The following KIAA1217 variants were observed in gnomAD, a reference collection of about 807,000 sequenced individuals.
The protein encoded by KIAA1217 is KIAA1217.
Under a neutral mutation model 163.9 loss-of-function variants are expected in KIAA1217, and 88 were observed. The observed-to-expected ratio is 0.54, with a 90% CI of 0.45 to 0.64. KIAA1217 has a LOEUF of 0.64. Ranked by LOEUF, KIAA1217 falls within the 30% of genes least tolerant of loss-of-function variation. KIAA1217 has a pLI of 0.00. For synonymous variants in KIAA1217, 903 were observed against 923.1 expected, an observed-to-expected ratio of 0.98 and a Z score of 0.39; for missense variants, 2,372 against 2,475.0, an observed-to-expected ratio of 0.96 and a Z score of 0.88.
intron 15 of KIAA1217, among the ~76,000 whole-genome samples, chr10:24,532,867 A>G (rs974998255): frequency 6.6e-6 from 1 of 152,242 alleles, no homozygotes; most frequent in Non-Finnish European, 1.5e-5. Context: ...TATTATAATT[A>G]TTTAATCCAT....
intron 2 of KIAA1217, among the ~76,000 whole-genome samples, chr10:24,016,903 A>G (rs896809333): frequency 2.0e-5 from 3 of 152,130 alleles, no homozygotes; most frequent in Non-Finnish European, 2.9e-5. Context: ...AATGAGTAAT[A>G]CAATATAGAA....
intron 2 of KIAA1217, among the ~76,000 whole-genome samples, chr10:24,287,838 C>T (rs1208014997): frequency 6.6e-6 from 1 of 152,180 alleles, no homozygotes; most frequent in East Asian, 1.9e-4. Context: ...AAAACCATAA[C>T]TCGATTCATC....
At chr10:24,144,359 T>C (rs951795621) in intron 2 of KIAA1217, among the ~76,000 whole-genome samples, 3 of 152,222 alleles carry the variant, frequency 2.0e-5, no homozygotes, top group Admixed American at 6.5e-5. Context: ...AGAGCAGATA[T>C]TGAGCAAAAA....
intron 2 of KIAA1217, among the ~76,000 whole-genome samples, chr10:24,193,994 C>G (rs1397015795): frequency 3.9e-5 from 6 of 152,060 alleles, no homozygotes; most frequent in Non-Finnish European, 4.4e-5. Context: ...TGAGACCAGC[C>G]TGGCCAACAT....
chr10:24,082,623 A>C (rs1216023769), intron 2 of KIAA1217, among the ~76,000 whole-genome samples: 1 of 152,174 alleles, frequency 6.6e-6, no homozygotes, highest in Non-Finnish European at 1.5e-5. Flanking sequence ...TATGTACCAC[A>C]GTTTCTTTAT....
intron 1 of KIAA1217, among the ~76,000 whole-genome samples, chr10:23,710,070 T>A (rs1227974919): frequency 1.3e-5 from 2 of 152,114 alleles, no homozygotes; most frequent in Non-Finnish European, 2.9e-5. Context: ...GGATGCAAAG[T>A]GAGTGAATGA....
At chr10:23,744,334 C>G (rs1389219212) in intron 1 of KIAA1217, among the ~76,000 whole-genome samples, 1 of 152,092 alleles carries the variant, frequency 6.6e-6, no homozygotes, top group East Asian at 1.9e-4. Context: ...TTTTTCAGGT[C>G]TAAAGGTCAA....
intron 2 of KIAA1217, among the ~76,000 whole-genome samples, chr10:24,112,644 G>A (rs1180076362): frequency 1.3e-5 from 2 of 151,958 alleles, no homozygotes; most frequent in African/African-American, 2.4e-5. Context: ...GAGTGTGGTG[G>A]CACAATCTCG....
intron 2 of KIAA1217, among the ~76,000 whole-genome samples, chr10:24,128,182 C>T (rs2063533073): frequency 6.6e-6 from 1 of 152,048 alleles, no homozygotes. Context: ...TAAGAATTAC[C>T]ATCTCAGGCC....
intron 2 of KIAA1217, among the ~76,000 whole-genome samples, chr10:24,251,392 C>A (rs2074493035): frequency 1.4e-5 from 1 of 70,256 alleles, no homozygotes; most frequent in African/African-American, 6.3e-5. Context: ...CAGAAAGAGA[C>A]ACTGTCTCAA....
intron 1 of KIAA1217, among the ~76,000 whole-genome samples, chr10:23,987,469 G>A (rs768376706): frequency 2.7e-5 from 4 of 148,722 alleles, no homozygotes; most frequent in Non-Finnish European, 5.9e-5. Flanking sequence ...ATGTTCATGT[G>A]TAATAATTTC....
At chr10:24,000,299 G>C (rs1190250097) in intron 1 of KIAA1217, among the ~76,000 whole-genome samples, 2 of 152,140 alleles carry the variant, frequency 1.3e-5, no homozygotes, top group African/African-American at 4.8e-5. Context: ...GAATCATGGG[G>C]GGCAGTTACC....
intron 2 of KIAA1217, among the ~76,000 whole-genome samples, chr10:24,357,280 G>C (rs371832525): frequency 1.3e-5 from 2 of 152,354 alleles, no homozygotes; most frequent in South Asian, 4.1e-4. Flanking sequence ...AAGCTGGTCA[G>C]AATCTGTGAG....
Position 24,524,367 on chromosome 10 carries a change from C to A in KIAA1217, c.2501C>A (p.Ala834Asp). Residue 834 changes from alanine to aspartate, a missense_variant, in exon 13 of 21, where the codon GCC becomes GAC. Transcript: ENST00000376454. ...CTGAAAGGCACGGACGCAGCCCAAGCCGCACAGTACATGGCTATGGAAAAG... is the reference window on the plus strand; with the variant it reads ...CTGAAAGGCACGGACGCAGCCCAAGACGCACAGTACATGGCTATGGAAAAG... ...GLLKGTDAAQ[A>D]AQYMAMEKAT... 1.2e-6 allele frequency: 2 copies of A among 1,614,038 alleles called. No homozygotes were observed. Among genetic ancestry groups the A allele is most frequent in the Non-Finnish European group, 1.7e-6 (2 of 1,179,916 alleles).
At chr10:24,478,596 T>C (rs985202981) in intron 6 of KIAA1217, among the ~76,000 whole-genome samples, 2 of 152,192 alleles carry the variant, frequency 1.3e-5, no homozygotes, top group African/African-American at 2.4e-5. Flanking sequence ...GAAGTGGTTT[T>C]ATCCAAGTGA....
chr10:24,219,331 C>G (rs1033870273), intron 1 of KIAA1217, among the ~76,000 whole-genome samples: 3 of 152,108 alleles, frequency 2.0e-5, no homozygotes, highest in Non-Finnish European at 2.9e-5. Context: ...AGGCTGGTCT[C>G]GAACTCTTGG....
chr10:24,240,201 A>G (rs561452896), intron 2 of KIAA1217, among the ~76,000 whole-genome samples: 12 of 152,320 alleles, frequency 7.9e-5, no homozygotes, highest in African/African-American at 2.9e-4. Flanking sequence ...GGGTTAGTTC[A>G]GAGGCATCAG....
chr10:23,858,213 G>GA (rs1293830233), intron 1 of KIAA1217, among the ~76,000 whole-genome samples: 2 of 152,030 alleles, frequency 1.3e-5, no homozygotes, highest in African/African-American at 4.8e-5. Context: ...TTCTTCTCCT[G>GA]AAAAATGAGC....
intron 2 of KIAA1217, among the ~76,000 whole-genome samples, chr10:24,288,186 G>T (rs2078743975): frequency 6.6e-6 from 1 of 152,138 alleles, no homozygotes; most frequent in African/African-American, 2.4e-5. Context: ...TTATTTGAAA[G>T]TTGTTGTGAT....
Sources: gnomAD v4.1 joint callset for allele counts (sites outside exome capture counted in the v4.1 genomes callset) on GRCh38, gnomAD v4.1.1 for gene constraint, MANE v1.5 for transcripts, NCBI Gene and HGNC (gene_info 2026-07-23, HGNC 2026-07-21) for gene names.